Variants in BAIAP2L1 observed in about 807,000 individuals in gnomAD.
BAIAP2L1 encodes BAR/IMD domain containing adaptor protein 2 like 1.
A neutral mutation model predicts 66.3 loss-of-function variants in BAIAP2L1; 35 were observed. The ratio of observed to expected loss-of-function variants is 0.53; its 90% CI spans 0.40 to 0.70. The LOEUF is 0.70. Among genes scored for constraint, BAIAP2L1 ranks in the 30% least tolerant of loss-of-function variants. BAIAP2L1 has a pLI of 0.00. For synonymous variants in BAIAP2L1, 269 were observed against 248.7 expected (o/e 1.08, Z -0.77); for missense variants, 622 against 656.9 (o/e 0.95, Z 0.58).
chr7:98,293,577 T>C lies in BAIAP2L1; in HGVS notation c.1480A>G (p.Thr494Ala). ...GTCACAGTCGGGCGGAGTTTCACAG[T>C]GGCAAAGGGGTTTTCTCCGCTGCAG... ...PFLSGENPFA[T>A]VKLRPTVTND... The change falls in exon 14 of 14, where the codon ACT becomes GCT. Residue 494 changes from threonine (T) to alanine (A), a missense_variant. Transcript: ENST00000005260. The C allele has an allele frequency of 6.2e-7, 1 of 1,613,812 alleles. No homozygotes were observed. Among genetic ancestry groups the C allele is most frequent in the Non-Finnish European group, 8.5e-7 (1 of 1,179,854 alleles).
intron 3 of BAIAP2L1, among the ~76,000 whole-genome samples, chr7:98,345,916 TAA>T (rs1342293399): frequency 5.8e-5 from 8 of 138,904 alleles, no homozygotes; most frequent in Admixed American, 7.3e-5. Context: ...ATGGCTATAC[TAA>T]AAAAAAAAAA....
chr7:98,335,955 G>C (rs555600204), intron 3 of BAIAP2L1, among the ~76,000 whole-genome samples: 27 of 152,350 alleles, frequency 1.8e-4, no homozygotes, highest in African/African-American at 6.0e-4. Context: ...TAGACAGGGG[G>C]TCTAAATCCT....
intron 3 of BAIAP2L1, among the ~76,000 whole-genome samples, chr7:98,343,282 C>CAG (rs1801790715): frequency 6.7e-6 from 1 of 149,250 alleles, no homozygotes. Context: ...CACACACACA[C>CAG]ACACAGACAC....
In BAIAP2L1 at chr7:98,292,561, T is replaced by C. The variant is rs1800012488; in HGVS notation, c.*960A>G. 2 of 1,381,278 alleles carry C rather than the reference T, an allele frequency of 1.4e-6. No individual in the cohort carries two copies. The highest frequency in any genetic ancestry group is 2.0e-6 in the Non-Finnish European group (2 of 992,420). 85.6% of individuals were successfully genotyped at this position (1,381,278 alleles called of 1,614,324 possible). ...CCCCGGGCTCAGGGCAGCCAGTGCGTAGTCCTCACATCCATACCATAGGGC... is the reference window on the plus strand; with the variant it reads ...CCCCGGGCTCAGGGCAGCCAGTGCGCAGTCCTCACATCCATACCATAGGGC... On this transcript the variant is annotated 3_prime_UTR_variant, in exon 14 of 14. Transcript: ENST00000005260.
intron 2 of BAIAP2L1, among the ~76,000 whole-genome samples, chr7:98,355,790 T>C (rs1284586661): frequency 6.6e-6 from 1 of 152,112 alleles, no homozygotes; most frequent in African/African-American, 2.4e-5. Context: ...TCTGAGCTAG[T>C]TCTTCTCCAG....
intron 1 of BAIAP2L1, among the ~76,000 whole-genome samples, chr7:98,389,315 G>A (rs1271113628): frequency 6.6e-6 from 1 of 151,876 alleles, no homozygotes; most frequent in Non-Finnish European, 1.5e-5. Flanking sequence ...ATTTGTTCGA[G>A]GCCTTATTTT....
In BAIAP2L1 at chr7:98,385,728, C is replaced by CTT. The variant is rs112286286; in HGVS notation, c.51+15072_51+15073dup. ...CACACCCAGCCAGGAATCAACATTT[C>CTT]TTTTTTTTGTTGTTTTTTTTTTCAC... is the stretch of plus-strand genomic sequence containing the variant. On this transcript the variant is annotated intron_variant, in intron 1 of 13. Coordinates refer to ENST00000005260, the MANE Select transcript of BAIAP2L1 (RefSeq NM_018842.5). 4,369 of 1,081,148 alleles carry CTT rather than the reference C, an allele frequency of 4.0e-3. 1 individual carries two copies. The highest frequency in any genetic ancestry group is 5.0e-3 in the East Asian group (199 of 39,538). The allele number at this position is 1,081,148 out of a possible 1,614,324, so 67.0% of individuals were successfully genotyped here. A position where few individuals can be genotyped will look rare whatever the true frequency, so the allele number is the denominator to read the frequency against.
At position 98,293,128 on chromosome 7, in the gene BAIAP2L1, CT is replaced by C; in HGVS notation, c.*392del. On this transcript the variant is annotated 3_prime_UTR_variant, in exon 14 of 14. Transcript: ENST00000005260. ...GACATAATGCTATTAAGAGCACATGCTTTATAAAATAAAACTGGTCTCATTC... is the reference window on the plus strand; with the variant it reads ...GACATAATGCTATTAAGAGCACATGCTTATAAAATAAAACTGGTCTCATTC... 1 of 381,682 alleles carries C rather than the reference CT, an allele frequency of 2.6e-6. No individual in the cohort carries two copies. The highest frequency in any genetic ancestry group is 3.9e-6 in the Non-Finnish European group (1 of 259,390). The allele number at this position is 381,682 out of a possible 1,614,324, so 23.6% of individuals were successfully genotyped here. A position where few individuals can be genotyped will look rare whatever the true frequency, so the allele number is the denominator to read the frequency against.
intron 2 of BAIAP2L1, among the ~76,000 whole-genome samples, chr7:98,359,106 G>A (rs1802206204): frequency 2.0e-5 from 3 of 152,210 alleles, no homozygotes; most frequent in Admixed American, 2.0e-4. Context: ...GCAGAAGACT[G>A]CAGGTGCAGG....
intron 12 of BAIAP2L1, 25 bp from the exon 13 acceptor site, chr7:98,294,136 T>C (rs1477632113): frequency 1.9e-6 from 3 of 1,612,480 alleles, no homozygotes; most frequent in Non-Finnish European, 8.5e-7. Flanking sequence ...AAGAAGTTTA[T>C]GGAGGGCTTA....
chr7:98,382,424 T>C (rs1016266589), intron 1 of BAIAP2L1, among the ~76,000 whole-genome samples: 22 of 152,148 alleles, frequency 1.4e-4, no homozygotes, highest in Non-Finnish European at 2.1e-4. Flanking sequence ...GGCAGGAGGA[T>C]TGCTTGAGGC....
chr7:98,377,989 T>G (rs1193052150), intron 1 of BAIAP2L1, among the ~76,000 whole-genome samples: 1 of 150,656 alleles, frequency 6.6e-6, no homozygotes, highest in African/African-American at 2.4e-5. Context: ...ATACAAAAAT[T>G]AGCTGGGCAT....
chr7:98,360,672 C>A (rs1802250325), intron 2 of BAIAP2L1, among the ~76,000 whole-genome samples: 1 of 151,474 alleles, frequency 6.6e-6, no homozygotes, highest in Non-Finnish European at 1.5e-5. Context: ...AAAAAAACTG[C>A]AGGTCACAGT....
At chr7:98,319,478 C>A (rs927089025) in intron 5 of BAIAP2L1, among the ~76,000 whole-genome samples, 1 of 151,694 alleles carries the variant, frequency 6.6e-6, no homozygotes, top group Admixed American at 6.6e-5. Context: ...TGTCCTACAG[C>A]GTGAATGTAT....
chr7:98,380,736 G>A (rs1802735495), intron 1 of BAIAP2L1, among the ~76,000 whole-genome samples: 1 of 115,194 alleles, frequency 8.7e-6, no homozygotes, highest in African/African-American at 3.3e-5. Flanking sequence ...TATCCGGTCC[G>A]TTTTTTTTTT....
At chr7:98,308,636 T>G in intron 9 of BAIAP2L1, 1 of 226,410 alleles carries the variant, frequency 4.4e-6, no homozygotes, top group South Asian at 6.9e-5. Flanking sequence ...CAGGCTGATA[T>G]TTCCACTCCA....
intron 1 of BAIAP2L1, among the ~76,000 whole-genome samples, chr7:98,365,581 G>A (rs749818636): frequency 4.6e-5 from 7 of 152,010 alleles, no homozygotes; most frequent in African/African-American, 7.2e-5. Flanking sequence ...AGTGATCCTC[G>A]TGCCCCAACC....
intron 12 of BAIAP2L1, among the ~76,000 whole-genome samples, chr7:98,296,256 G>T (rs192389125): frequency 9.7e-4 from 148 of 152,366 alleles, no homozygotes; most frequent in African/African-American, 3.4e-3. Flanking sequence ...GTCCTGCTGG[G>T]TATACGGAGT....
In BAIAP2L1 at chr7:98,307,610, G is replaced by A. The variant is rs11976515; in HGVS notation, c.1163+79C>T. ...TTGGCTAAAATGTGAGCATGTCCAC[G>A]AAGACAGTTTGCAGCTTGGCTGCTC... is the stretch of plus-strand genomic sequence containing the variant. On this transcript the variant is annotated intron_variant, in intron 10 of 13. Transcript: ENST00000005260. 7.6e-5 allele frequency: 120 copies of A among 1,579,184 alleles called. No individual in the cohort carries two copies. In the African/African-American group the frequency reaches 1.4e-3, roughly 18 times the overall value.
Sources: gnomAD v4.1 joint callset for allele counts (sites outside exome capture counted in the v4.1 genomes callset) on GRCh38, gnomAD v4.1.1 for gene constraint, MANE v1.5 for transcripts, NCBI Gene and HGNC (gene_info 2026-07-23, HGNC 2026-07-21) for gene names.